Variants in AGRN observed in about 807,000 individuals in gnomAD.
AGRN encodes agrin.
In AGRN, 106 loss-of-function variants were observed where a neutral mutation model predicts 211.0. That is an observed-to-expected ratio of 0.50 (90% CI 0.43 to 0.59). The LOEUF (loss-of-function observed/expected upper bound fraction) is 0.59. Ranked by LOEUF, AGRN falls within the 20% of genes least tolerant of loss-of-function variation. The pLI is 0.00. For synonymous variants in AGRN, 1,525 were observed against 1,332.5 expected (o/e 1.14, Z -3.15); for missense variants, 3,040 against 2,982.6 (o/e 1.02, Z -0.45).
In AGRN at chr1:1,022,480, C is replaced by T. The variant is rs376022027; in HGVS notation, c.463+18C>T. 1.9e-5 allele frequency: 30 copies of T among 1,589,334 alleles called. No individual in the cohort carries two copies. Among genetic ancestry groups the T allele is most frequent in the Middle Eastern group, 3.3e-4 (2 of 5,984 alleles). On this transcript the variant is annotated intron_variant, in intron 2 of 35. Transcript: ENST00000379370. The stretch of plus-strand genomic sequence containing the variant: ...TGTGGAAGGTGCGTGGTGGGGGGCT[C>T]GTGTGGGGGCCTGTGGGGGTCAGGG...
rs1237715488 is a variant in AGRN at position 1,049,121 on chromosome 1, A to AGG, written c.4298+68_4298+69dup. The AGG allele has an allele frequency of 2.7e-4, 69 of 259,312 alleles. 3 individuals are homozygous for AGG. The African/African-American group carries it at 4.1e-3, about 15-fold the overall frequency. 16.1% of individuals were successfully genotyped at this position (259,312 alleles called of 1,614,324 possible). On this transcript the variant is annotated intron_variant, in intron 24 of 35. Coordinates refer to ENST00000379370, the MANE Select transcript of AGRN (RefSeq NM_198576.4). ...TGGGCGGGGAGGGGACGGGCGGGGGAGGGGGGGCCGGGGCAGCTCAGGTGG... is the reference window on the plus strand; with the variant it reads ...TGGGCGGGGAGGGGACGGGCGGGGGAGGGGGGGGGCCGGGGCAGCTCAGGTGG...
rs1645190334 is a variant in AGRN, at chr1:1,049,079, GGCCGGGGCA to G, written c.4298+23_4298+31del. 6.8e-7 allele frequency: 1 copy of G among 1,474,880 alleles called. No individual in the cohort carries two copies. Among genetic ancestry groups the G allele is most frequent in the Non-Finnish European group, 9.0e-7 (1 of 1,111,816 alleles). The allele number at this position is 1,474,880 out of a possible 1,614,324, so 91.4% of individuals were successfully genotyped here. ...GCTCAGGTGGGCGGGGAGGGGACGGGGCCGGGGCAGCTCAGGTGGGCGGGGAGGGGACGG... is the reference window on the plus strand; with the variant it reads ...GCTCAGGTGGGCGGGGAGGGGACGGGGCTCAGGTGGGCGGGGAGGGGACGG... On this transcript the variant is annotated intron_variant, in intron 24 of 35. Transcript: ENST00000379370.
Position 1,044,244 on chromosome 1 carries a change from T to C in AGRN, c.2135T>C (p.Val712Ala), listed in dbSNP as rs1432217373. Residue 712 changes from valine (V) to alanine (A), a missense_variant, in exon 11 of 36, where the codon GTC becomes GCC. Val to Ala is a moderately conservative substitution (Grantham distance 64). Around this residue, in one of 3 missense-constraint regions of AGRN, gnomAD observed 1,498 missense variants for 1,457.8 expected, o/e 1.03. Transcript: ENST00000379370. ...GTCTGTGACTTCAGCTGCCAGAGTGTCCCAGGCAGCCCGGTGAGCTCTGTA... is the reference window on the plus strand; with the variant it reads ...GTCTGTGACTTCAGCTGCCAGAGTGCCCCAGGCAGCCCGGTGAGCTCTGTA... ...PCVCDFSCQSVPGSPVCGSDG... is the reference protein window; with the variant it reads ...PCVCDFSCQSAPGSPVCGSDG... 1 of 1,612,534 alleles carries C rather than the reference T, an allele frequency of 6.2e-7. No homozygotes were observed. The highest frequency in any genetic ancestry group is 1.7e-5 in the Admixed American group (1 of 59,982).
intron 2 of AGRN, among the ~76,000 whole-genome samples, chr1:1,030,100 C>CGT (rs1644625894): frequency 6.2e-5 from 2 of 32,114 alleles, no homozygotes; most frequent in African/African-American, 8.0e-5. Context: ...GTGAGATCAG[C>CGT]ATGTGTGTGT....
rs1645089895 is a variant in AGRN, at chr1:1,046,256, C to A, written c.2902C>A (p.Pro968Thr). ...GCAAATCTCTATCCAGAGCCTGGGC[C>A]CGTGCCAGGGTGAGGCCTGACGGCC... is the stretch of plus-strand genomic sequence containing the variant. Reference protein sequence around the residue: ...GLQISIQSLGPCQEAVAPSTH... With the variant: ...GLQISIQSLGTCQEAVAPSTH... Residue 968 changes from proline to threonine, a missense_variant, in exon 17 of 36, where the codon CCG becomes ACG. By Grantham distance (38) the Pro-to-Thr change is conservative. This residue lies in a region of AGRN where 1,498 missense variants were observed against 1,457.8 expected (regional missense o/e 1.03). Coordinates refer to ENST00000379370, the MANE Select transcript of AGRN (RefSeq NM_198576.4). The A allele has an allele frequency of 6.2e-7, 1 of 1,613,208 alleles. No homozygotes were observed. Among genetic ancestry groups the A allele is most frequent in the Non-Finnish European group, 8.5e-7 (1 of 1,179,964 alleles).
intron 2 of AGRN, among the ~76,000 whole-genome samples, chr1:1,033,200 C>T (rs968651219): frequency 1.3e-5 from 2 of 152,032 alleles, no homozygotes; most frequent in Non-Finnish European, 2.9e-5. Flanking sequence ...GAGTCGGGGG[C>T]GCCGGCGACT....
chr1:1,045,099 G>T, intron 12 of AGRN, 62 bp from the exon 13 acceptor site: 2 of 1,553,318 alleles, frequency 1.3e-6, no homozygotes, highest in Non-Finnish European at 1.8e-6. Flanking sequence ...AGGCAGACTG[G>T]CTGGGTCCAG....
In AGRN at chr1:1,021,138, A is replaced by T. The variant is rs182235734; in HGVS notation, c.201+765A>T. On this transcript the variant is annotated intron_variant, in intron 1 of 35. Transcript: ENST00000379370. The stretch of plus-strand genomic sequence containing the variant: ...GAAATCCACTCATTTCCCTCCACGG[A>T]GGTGGAGAAGGTGGCAGCTTCTTTC... Among the ~76,000 whole-genome samples the T allele has an allele frequency of 3.8e-3, 581 of 152,278 alleles. 3 individuals are homozygous for T. Among genetic ancestry groups the T allele is most frequent in the Non-Finnish European group, 6.8e-3 (465 of 68,000 alleles).
intron 27 of AGRN, 53 bp from the exon 28 acceptor site, chr1:1,050,180 G>A: frequency 6.2e-7 from 1 of 1,604,282 alleles, no homozygotes; most frequent in South Asian, 1.1e-5. Flanking sequence ...GCTGGCATGG[G>A]GTGCAGGAGG....
intron 5 of AGRN, 27 bp from the exon 6 acceptor site, chr1:1,041,451 G>A (rs1038601033): frequency 1.3e-6 from 2 of 1,570,646 alleles, no homozygotes; most frequent in East Asian, 2.3e-5. Flanking sequence ...CGGCGACAGC[G>A]TCCTGACTCC....
rs1196572046 is a variant in AGRN, at chr1:1,048,042, C to T, written c.3782C>T (p.Thr1261Met). The T allele has an allele frequency of 6.3e-6, 10 of 1,585,482 alleles. No homozygotes were observed. The highest frequency in any genetic ancestry group is 1.3e-5 in the African/African-American group (1 of 74,480). The change falls in exon 23 of 36, where the codon ACG (threonine) becomes ATG (methionine). Residue 1261 changes from threonine (T) to methionine (M), a missense_variant. Coordinates refer to ENST00000379370, the MANE Select transcript of AGRN (RefSeq NM_198576.4). The surrounding 1 kb of genome is among the most constrained non-coding windows in gnomAD (Gnocchi z 5.9). ...TTTCCTGCGTTTATCACGGGGGCCA[C>T]GTCAGGAGCCATTGCTGCGGGAGCC... ...DWFPAFITGA[T>M]SGAIAAGATA...
At chr1:1,034,337 C>T (rs1644749009) in intron 2 of AGRN, 1 of 985,526 alleles carries the variant, frequency 1.0e-6, no homozygotes, top group Non-Finnish European at 1.2e-6. Context: ...GGGATTTCTA[C>T]TCCGGGAGAA....
Position 1,048,082 on chromosome 1 carries a change from C to G in AGRN, c.3822C>G (p.Thr1274=). The change falls in exon 23 of 36, where the codon ACC becomes ACG. Residue 1274 remains threonine, a synonymous_variant. Transcript: ENST00000379370. This position sits in a 1 kb window ranked among gnomAD's most constrained non-coding sequence, Gnocchi z 5.9. ...AIAAGATARA[T]TASRLPSSAV... ...CTGCGGGAGCCACGGCCAGAGCCACCACTGCATCGCGCCTGCCGTCCTCTG... is the reference window on the plus strand; with the variant it reads ...CTGCGGGAGCCACGGCCAGAGCCACGACTGCATCGCGCCTGCCGTCCTCTG... The G allele has an allele frequency of 1.9e-6, 3 of 1,579,234 alleles. No homozygotes were observed. Among genetic ancestry groups the G allele is most frequent in the Non-Finnish European group, 2.6e-6 (3 of 1,169,968 alleles).
At chr1:1,030,223 G>A (rs1238661640) in intron 2 of AGRN, among the ~76,000 whole-genome samples, 1 of 30,150 alleles carries the variant, frequency 3.3e-5, no homozygotes, top group South Asian at 1.8e-3. Flanking sequence ...TGAGATCAGC[G>A]CGTGTGTGTG....
rs371994118 is a variant in AGRN at position 1,046,048 on chromosome 1, T to C, written c.2765T>C (p.Val922Ala). 3 of 1,613,912 alleles carry C rather than the reference T, an allele frequency of 1.9e-6. No homozygotes were observed. In the African/African-American group the frequency reaches 4.0e-5, roughly 22 times the overall value. The change falls in exon 16 of 36, where the codon GTC becomes GCC. Residue 922 changes from valine to alanine, a missense_variant. Physicochemically the swap from Val to Ala is moderately conservative, Grantham distance 64. This residue lies in a region of AGRN where 1,498 missense variants were observed against 1,457.8 expected (regional missense o/e 1.03). Coordinates refer to ENST00000379370, the MANE Select transcript of AGRN (RefSeq NM_198576.4). Reference protein sequence around the residue: ...CVEESGSAHCVCPMLTCPEAN... With the variant: ...CVEESGSAHCACPMLTCPEAN... ...GAGGAGTCTGGCTCAGCCCACTGTG[T>C]CTGCCCGATGCTCACCTGTCCAGAG... is the stretch of plus-strand genomic sequence containing the variant.
rs1645417722 is a variant in AGRN at position 1,055,046 on chromosome 1, A to G, written c.*65A>G. 4 of 1,536,844 alleles carry G rather than the reference A, an allele frequency of 2.6e-6. No individual in the cohort carries two copies. The highest frequency in any genetic ancestry group is 2.4e-5 in the South Asian group (2 of 83,778). On this transcript the variant is annotated 3_prime_UTR_variant, in exon 36 of 36. Transcript: ENST00000379370. ...ATTTTTGTAAACTTGTTGCTTTTTG[A>G]TATGATTTTCTTGCCTGAGTGTTGG...
chr1:1,045,543 A>G lies in AGRN; in HGVS notation c.2536+20A>G. 6.2e-7 allele frequency: 1 copy of G among 1,611,668 alleles called. No individual in the cohort carries two copies. Among genetic ancestry groups the G allele is most frequent in the Non-Finnish European group, 8.5e-7 (1 of 1,179,366 alleles). On this transcript the variant is annotated intron_variant, in intron 14 of 35. Coordinates refer to ENST00000379370, the MANE Select transcript of AGRN (RefSeq NM_198576.4). ...GTACACGTGAGTGACAGGGCCCAGG[A>G]CTGGCCACCGGCTATGCCCTCCTAC...
chr1:1,041,321 C>A lies in AGRN; in HGVS notation c.876C>A (p.Tyr292Ter), dbSNP rs1644929243. ...TCTGCGGCAGCGACGGCGCCGACTA[C>A]CCCGGCGAGTGCCAGCTCCTGCGCC... ...GTVCGSDGAD[Y>*]PGECQLLRRA... Residue 292 changes from tyrosine (Y) to a stop codon, truncating the protein, a stop_gained, in exon 5 of 36, where the codon TAC becomes TAA. Transcript: ENST00000379370. LOFTEE classifies it high-confidence loss of function. The A allele has an allele frequency of 1.3e-6, 2 of 1,525,036 alleles. No individual in the cohort carries two copies. The highest frequency in any genetic ancestry group is 8.8e-7 in the Non-Finnish European group (1 of 1,142,550). The allele number at this position is 1,525,036 out of a possible 1,614,324, so 94.5% of individuals were successfully genotyped here. A position where few individuals can be genotyped will look rare whatever the true frequency, so the allele number is the denominator to read the frequency against.
intron 2 of AGRN, chr1:1,034,795 G>A: frequency 1.2e-6 from 1 of 824,436 alleles, no homozygotes; most frequent in Non-Finnish European, 1.5e-6. Context: ...GGTCCGCGGG[G>A]CTCCCGGCAG....
Sources: allele counts gnomAD v4.1 joint callset (sites outside exome capture counted in the v4.1 genomes callset), GRCh38; gene constraint gnomAD v4.1.1; regional missense constraint gnomAD v4.1.1; non-coding constraint Gnocchi (gnomAD v3.1); transcripts MANE v1.5; gene names NCBI Gene and HGNC (gene_info 2026-07-23, HGNC 2026-07-21).